Variants in PIEZO2 observed in about 807,000 individuals in gnomAD.
PIEZO2 encodes the protein piezo type mechanosensitive ion channel component 2, also known as piezo-type mechanosensitive ion channel component 2.
PIEZO2 carries 172 observed loss-of-function variants against 337.3 expected under a neutral mutation model. The observed-to-expected ratio is 0.51, with a 90% CI of 0.45 to 0.58. The LOEUF (loss-of-function observed/expected upper bound fraction) is 0.58. PIEZO2 is among the 20% of genes least tolerant of loss of function. PIEZO2 has a pLI of 0.00. For synonymous variants in PIEZO2, 1,251 were observed against 1,228.5 expected (o/e 1.02, Z -0.38); for missense variants, 3,028 against 3,391.3 (o/e 0.89, Z 2.66).
At chr18:10,869,526 G>T (rs1568147845) in intron 5 of PIEZO2, among the ~76,000 whole-genome samples, 1 of 152,124 alleles carries the variant, frequency 6.6e-6, no homozygotes, top group Non-Finnish European at 1.5e-5. Flanking sequence ...CAAATACCCA[G>T]TCTGAAGAAT....
rs1292186620 is a variant in PIEZO2 at position 10,929,589 on chromosome 18, A to G, written c.287-18361T>C. 6.6e-6 allele frequency among the ~76,000 whole-genome samples: 1 copy of G among 152,200 alleles called. No homozygotes were observed. Among genetic ancestry groups the G allele is most frequent in the Non-Finnish European group, 1.5e-5 (1 of 68,034 alleles). On this transcript the variant is annotated intron_variant, in intron 3 of 55. Transcript: ENST00000674853. This position sits in a 1 kb window ranked among gnomAD's most constrained non-coding sequence, Gnocchi z 5.6. ...TTTGAGGGGCTGAGAAGTTATTGGC[A>G]AGACTGTGAGAGGAAAATGCCTCTA...
chr18:10,966,283 T>C (rs1287510024), intron 3 of PIEZO2, among the ~76,000 whole-genome samples: 2 of 152,120 alleles, frequency 1.3e-5, no homozygotes, highest in African/African-American at 4.8e-5. Context: ...TCTTGACTCT[T>C]CCTTAATATC....
intron 7 of PIEZO2, among the ~76,000 whole-genome samples, chr18:10,810,118 A>AT: frequency 6.6e-6 from 1 of 152,304 alleles, no homozygotes; most frequent in Admixed American, 6.5e-5. Flanking sequence ...TCGATGTCTG[A>AT]GCTTTCACTT....
rs1448305399 is a variant in PIEZO2, at chr18:11,077,419, C to T, written c.65-11197G>A. 7.2e-5 allele frequency among the ~76,000 whole-genome samples: 11 copies of T among 152,124 alleles called. No homozygotes were observed. The highest frequency in any genetic ancestry group is 7.2e-4 in the Admixed American group (11 of 15,274). On this transcript the variant is annotated intron_variant, in intron 1 of 55. Transcript: ENST00000674853. The surrounding 1 kb of genome is among the most constrained non-coding windows in gnomAD (Gnocchi z 4.8). ...TGGTGGCTCATGCCTACAATCCCAG[C>T]ACTTTGGGAGGCAGAGGCAGGAGGA...
In PIEZO2 at chr18:11,129,302, G is replaced by C. The variant is rs1189633677; in HGVS notation, c.64+19223C>G. On this transcript the variant is annotated intron_variant, in intron 1 of 55. Transcript: ENST00000674853. This position sits in a 1 kb window ranked among gnomAD's most constrained non-coding sequence, Gnocchi z 4.6. ...AATAATTGGATCCCGAGGTGGCAGG[G>C]ACCAAGTGGCAGCACTCAACTGTCA... Among the ~76,000 whole-genome samples, 1 of 152,166 alleles carries C rather than the reference G, an allele frequency of 6.6e-6. No homozygotes were observed. The highest frequency in any genetic ancestry group is 1.5e-5 in the Non-Finnish European group (1 of 68,030).
intron 7 of PIEZO2, among the ~76,000 whole-genome samples, chr18:10,831,967 A>G (rs1297910172): frequency 1.3e-5 from 2 of 152,130 alleles, no homozygotes; most frequent in African/African-American, 2.4e-5. Flanking sequence ...GATTAGCTCA[A>G]CGTTCTTCCC....
At position 10,788,593 on chromosome 18, in the gene PIEZO2, T is replaced by G. The variant is rs865854699; in HGVS notation, c.2169+486A>C. Among the ~76,000 whole-genome samples the G allele has an allele frequency of 2.6e-5, 4 of 152,188 alleles. No homozygotes were observed. The South Asian group carries it at 8.3e-4, about 32-fold the overall frequency. On this transcript the variant is annotated intron_variant, in intron 15 of 55. Coordinates refer to ENST00000674853, the MANE Select transcript of PIEZO2 (RefSeq NM_001378183.1). ...ACCTAAAATTTTTATTTTTACTTTT[T>G]TTAGAGATGGCATCTTAATCTGTTG...
intron 7 of PIEZO2, among the ~76,000 whole-genome samples, chr18:10,816,926 C>A (rs16975413): frequency 2.0e-5 from 3 of 151,782 alleles, no homozygotes; most frequent in Non-Finnish European, 4.4e-5. Context: ...ATTGAAGATA[C>A]GTTGGGGCTC....
At chr18:10,798,905 G>A (rs2039704644) in intron 11 of PIEZO2, among the ~76,000 whole-genome samples, 1 of 151,862 alleles carries the variant, frequency 6.6e-6, no homozygotes, top group Admixed American at 6.6e-5. Flanking sequence ...CATGCAGGAA[G>A]CAGAAACAGG....
At chr18:10,947,106 A>G (rs1184516832) in intron 3 of PIEZO2, among the ~76,000 whole-genome samples, 1 of 152,176 alleles carries the variant, frequency 6.6e-6, no homozygotes, top group Non-Finnish European at 1.5e-5. Flanking sequence ...TAATAGTAAA[A>G]CTGAGAGAGA....
rs757041748 is a variant in PIEZO2, at chr18:10,681,773, G to A, written c.7687-20C>T. 1 of 1,561,006 alleles carries A rather than the reference G, an allele frequency of 6.4e-7. No homozygotes were observed. Among genetic ancestry groups the A allele is most frequent in the African/African-American group, 1.4e-5 (1 of 73,780 alleles). On this transcript the variant is annotated intron_variant, in intron 50 of 55. Transcript: ENST00000674853. ...AATAGGCTGGAAAACAAAGAGAACA[G>A]TGTTGTCAATATTCCCCAGCTCTTC...
chr18:10,919,322 T>C (rs1052878985), intron 3 of PIEZO2, among the ~76,000 whole-genome samples: 10 of 152,166 alleles, frequency 6.6e-5, no homozygotes, highest in African/African-American at 2.2e-4. Context: ...CTTCCCCGAA[T>C]AGAACTGATG....
At chr18:11,090,843 G>C (rs1006589154) in intron 1 of PIEZO2, among the ~76,000 whole-genome samples, 4 of 151,564 alleles carry the variant, frequency 2.6e-5, no homozygotes, top group African/African-American at 9.7e-5. Flanking sequence ...AACCCGGGGG[G>C]GCAAAGCTTG....
At position 11,069,635 on chromosome 18, in the gene PIEZO2, T is replaced by C. The variant is rs1225969764; in HGVS notation, c.65-3413A>G. Among the ~76,000 whole-genome samples, 2 of 152,182 alleles carry C rather than the reference T, an allele frequency of 1.3e-5. No homozygotes were observed. The highest frequency in any genetic ancestry group is 2.9e-5 in the Non-Finnish European group (2 of 68,034). On this transcript the variant is annotated intron_variant, in intron 1 of 55. Coordinates refer to ENST00000674853, the MANE Select transcript of PIEZO2 (RefSeq NM_001378183.1). The surrounding 1 kb of genome is among the most constrained non-coding windows in gnomAD (Gnocchi z 4.9). ...AGAATCAAGACAAGGATGCCTACTC[T>C]TGACACTTCCATTCAATGTGGTACG...
At chr18:10,731,948 A>G (rs962155238) in intron 35 of PIEZO2, among the ~76,000 whole-genome samples, 1 of 152,212 alleles carries the variant, frequency 6.6e-6, no homozygotes, top group Non-Finnish European at 1.5e-5. Flanking sequence ...CTTTGGGAAA[A>G]TAGTTTTGTG....
rs1464912367 is a variant in PIEZO2 at position 11,038,487 on chromosome 18, T to G, written c.160+27640A>C. ...GTTTTAGGTACAATGCAGTTTCTTGTGCTCATTCATCATTTTCCAACACCC... is the reference window on the plus strand; with the variant it reads ...GTTTTAGGTACAATGCAGTTTCTTGGGCTCATTCATCATTTTCCAACACCC... On this transcript the variant is annotated intron_variant, in intron 2 of 55. Coordinates refer to ENST00000674853, the MANE Select transcript of PIEZO2 (RefSeq NM_001378183.1). This position sits in a 1 kb window ranked among gnomAD's most constrained non-coding sequence, Gnocchi z 4.1. Among the ~76,000 whole-genome samples, 9 of 152,154 alleles carry G rather than the reference T, an allele frequency of 5.9e-5. No individual in the cohort carries two copies. Among genetic ancestry groups the G allele is most frequent in the Admixed American group, 5.9e-4 (9 of 15,278 alleles).
intron 54 of PIEZO2, among the ~76,000 whole-genome samples, chr18:10,674,051 G>T (rs1655514971): frequency 6.6e-6 from 1 of 152,166 alleles, no homozygotes; most frequent in African/African-American, 2.4e-5. Context: ...ATCCAAGAAT[G>T]GTACTTGACA....
At chr18:11,087,450 C>A (rs1034848571) in intron 1 of PIEZO2, among the ~76,000 whole-genome samples, 1 of 152,176 alleles carries the variant, frequency 6.6e-6, no homozygotes, top group South Asian at 2.1e-4. Flanking sequence ...TCATTTTAAT[C>A]TAAATATATT....
Position 10,794,395 on chromosome 18 carries a change from C to T in PIEZO2, c.1758+377G>A, listed in dbSNP as rs934614870. Among the ~76,000 whole-genome samples, 1 of 152,134 alleles carries T rather than the reference C, an allele frequency of 6.6e-6. No individual in the cohort carries two copies. The highest frequency in any genetic ancestry group is 6.5e-5 in the Admixed American group (1 of 15,278). ...AATACTTATCTGTGACACTAATGCA[C>T]TAAGCATGTTTTATAAAATGATAAT... On this transcript the variant is annotated intron_variant, in intron 13 of 55. Transcript: ENST00000674853. The surrounding 1 kb of genome is among the most constrained non-coding windows in gnomAD (Gnocchi z 6.6).
Sources: allele counts gnomAD v4.1 joint callset (sites outside exome capture counted in the v4.1 genomes callset), GRCh38; gene constraint gnomAD v4.1.1; non-coding constraint Gnocchi (gnomAD v3.1); transcripts MANE v1.5; gene names NCBI Gene and HGNC (gene_info 2026-07-23, HGNC 2026-07-21).